CDKAL1: variants seen among roughly 807,000 people sequenced by gnomAD.
CDKAL1 encodes the protein threonylcarbamoyladenosine tRNA methylthiotransferase.
Under a neutral mutation model 68.2 loss-of-function variants are expected in CDKAL1, and 32 were observed. The observed-to-expected ratio is 0.47, with a 90% CI of 0.35 to 0.63. The LOEUF (loss-of-function observed/expected upper bound fraction) is 0.63. Among genes scored for constraint, CDKAL1 ranks in the 30% least tolerant of loss-of-function variants. The probability of loss-of-function intolerance (pLI) is 0.00; values close to 1 mark genes in which losing one functional copy is unlikely to be tolerated. For missense variants in CDKAL1, 606 were observed against 696.7 expected, an observed-to-expected ratio of 0.87 and a Z score of 1.47; for synonymous variants, 234 against 244.3, an observed-to-expected ratio of 0.96 and a Z score of 0.39.
chr6:21,220,775 C>T (rs1274637239), intron 15 of CDKAL1, among the ~76,000 whole-genome samples: 1 of 152,216 alleles, frequency 6.6e-6, no homozygotes, highest in Non-Finnish European at 1.5e-5. Context: ...GAGGGGCCAC[C>T]TTTGCTCATT....
chr6:21,142,387 G>A (rs1448558248), intron 13 of CDKAL1, among the ~76,000 whole-genome samples: 1 of 152,024 alleles, frequency 6.6e-6, no homozygotes, highest in Admixed American at 6.5e-5. Context: ...ATAGAATCTG[G>A]GGTGCCCAGT....
At chr6:20,757,216 T>C (rs1774256776) in intron 6 of CDKAL1, among the ~76,000 whole-genome samples, 1 of 152,128 alleles carries the variant, frequency 6.6e-6, no homozygotes, top group African/African-American at 2.4e-5. Flanking sequence ...ATTATAGGCA[T>C]GAACCACTGT....
chr6:20,667,135 G>A (rs1250969598), intron 5 of CDKAL1, among the ~76,000 whole-genome samples: 1 of 152,132 alleles, frequency 6.6e-6, no homozygotes, highest in Admixed American at 6.5e-5. Context: ...CAGGCTTAAG[G>A]ATTTTCCAAA....
intron 13 of CDKAL1, among the ~76,000 whole-genome samples, chr6:21,130,494 G>A (rs1329417193): frequency 6.6e-6 from 1 of 152,078 alleles, no homozygotes; most frequent in Admixed American, 6.5e-5. Context: ...CAAAGTGCTG[G>A]GATTACAGGC....
At chr6:21,047,359 A>C (rs536796603) in intron 11 of CDKAL1, among the ~76,000 whole-genome samples, 1 of 152,296 alleles carries the variant, frequency 6.6e-6, no homozygotes, top group Non-Finnish European at 1.5e-5. Flanking sequence ...AAGAGAAGCC[A>C]TCATTTACAA....
chr6:20,607,053 G>C (rs927614929), intron 4 of CDKAL1, among the ~76,000 whole-genome samples: 1 of 152,176 alleles, frequency 6.6e-6, no homozygotes, highest in Non-Finnish European at 1.5e-5. Context: ...TTATGGCTGG[G>C]TCTTTGACTG....
chr6:20,549,324 C>T (rs779566550), intron 4 of CDKAL1, among the ~76,000 whole-genome samples: 62 of 152,136 alleles, frequency 4.1e-4, no homozygotes, highest in Non-Finnish European at 6.2e-4. Flanking sequence ...AGAACAGAAG[C>T]GATACTATAT....
At chr6:21,050,472 T>C (rs762401035) in intron 11 of CDKAL1, among the ~76,000 whole-genome samples, 1 of 152,208 alleles carries the variant, frequency 6.6e-6, no homozygotes, top group Non-Finnish European at 1.5e-5. Flanking sequence ...GAGAAGTTTA[T>C]TGAGCAGTGA....
chr6:20,936,720 G>C (rs1005981031), intron 9 of CDKAL1, among the ~76,000 whole-genome samples: 1 of 152,128 alleles, frequency 6.6e-6, no homozygotes, highest in Non-Finnish European at 1.5e-5. Flanking sequence ...AGTGTGTGAG[G>C]CTTCTTATTT....
intron 4 of CDKAL1, among the ~76,000 whole-genome samples, chr6:20,568,020 C>A (rs140091146): frequency 0.014 from 2,159 of 152,152 alleles, 55 homozygotes; most frequent in African/African-American, 0.049. Context: ...GGACCACAGG[C>A]GCCTGCCACC....
At chr6:20,882,737 C>G (rs1304320906) in intron 9 of CDKAL1, among the ~76,000 whole-genome samples, 3 of 152,128 alleles carry the variant, frequency 2.0e-5, no homozygotes, top group African/African-American at 7.2e-5. Context: ...ATGAATAAAG[C>G]CACTATAAAC....
In CDKAL1 at chr6:20,622,301, G is replaced by GA. The variant is rs1238880497; in HGVS notation, c.287-26986dup. 3.2e-4 allele frequency among the ~76,000 whole-genome samples: 49 copies of GA among 151,734 alleles called. 1 individual carries two copies. Among genetic ancestry groups the GA allele is most frequent in the Non-Finnish European group, 2.9e-5 (2 of 67,890 alleles). On this transcript the variant is annotated intron_variant, in intron 4 of 15. Transcript: ENST00000274695. The stretch of plus-strand genomic sequence containing the variant: ...ATACACAAGTTTCCCCTACCCCAAG[G>GA]AAAAAATTCTTCATGGTTACTATAT...
chr6:20,952,422 C>T (rs1202285965), intron 9 of CDKAL1, among the ~76,000 whole-genome samples: 2 of 152,162 alleles, frequency 1.3e-5, no homozygotes, highest in Non-Finnish European at 2.9e-5. Flanking sequence ...AAGACTGTCC[C>T]ATTGTATCCC....
chr6:20,685,957 T>C (rs1366476377), intron 5 of CDKAL1, among the ~76,000 whole-genome samples: 1 of 152,180 alleles, frequency 6.6e-6, no homozygotes, highest in African/African-American at 2.4e-5. Context: ...TGGGAGGTGC[T>C]AATGTAAATG....
At chr6:21,063,000 C>T (rs1771228318) in intron 11 of CDKAL1, among the ~76,000 whole-genome samples, 1 of 152,174 alleles carries the variant, frequency 6.6e-6, no homozygotes. Flanking sequence ...CTGCAACCTC[C>T]ACCTCCCGGG....
intron 5 of CDKAL1, among the ~76,000 whole-genome samples, chr6:20,696,366 T>G (rs1360398047): frequency 6.6e-6 from 1 of 152,238 alleles, no homozygotes; most frequent in African/African-American, 2.4e-5. Flanking sequence ...AGGGTTAGAC[T>G]GTGAACTTTT....
At chr6:21,150,003 G>A (rs1395921792) in intron 13 of CDKAL1, among the ~76,000 whole-genome samples, 9 of 151,992 alleles carry the variant, frequency 5.9e-5, no homozygotes, top group African/African-American at 1.5e-4. Context: ...GACTACAGGC[G>A]CCCACCACCA....
chr6:21,220,210 G>T (rs1419388722), intron 15 of CDKAL1, among the ~76,000 whole-genome samples: 1 of 152,134 alleles, frequency 6.6e-6, no homozygotes, highest in Non-Finnish European at 1.5e-5. Flanking sequence ...GCGTGTGTGT[G>T]TGTGTGTGTT....
At chr6:20,993,995 A>C (rs1249989635) in intron 10 of CDKAL1, among the ~76,000 whole-genome samples, 1 of 152,198 alleles carries the variant, frequency 6.6e-6, no homozygotes, top group African/African-American at 2.4e-5. Flanking sequence ...GAGCTCCTCA[A>C]CTGCTCCCCC....
Sources: allele counts gnomAD v4.1 joint callset (sites outside exome capture counted in the v4.1 genomes callset), GRCh38; gene constraint gnomAD v4.1.1; transcripts MANE v1.5; gene names NCBI Gene and HGNC (gene_info 2026-07-23, HGNC 2026-07-21).